ZFHX3: variants seen among roughly 807,000 people sequenced by gnomAD.
ZFHX3 encodes the protein zinc finger homeobox protein 3.
ZFHX3 carries 42 observed loss-of-function variants against 279.1 expected under a neutral mutation model. The ratio of observed to expected loss-of-function variants is 0.15; its 90% confidence interval spans 0.12 to 0.19. The LOEUF (loss-of-function observed/expected upper bound fraction) is 0.19. Ranked by LOEUF, ZFHX3 falls within the 10% of genes least tolerant of loss-of-function variation. ZFHX3 has a pLI of 1.00. For missense variants in ZFHX3, 4,981 were observed against 4,754.0 expected, an observed-to-expected ratio of 1.05 and a Z score of -1.40; for synonymous variants, 2,293 against 1,957.8, an observed-to-expected ratio of 1.17 and a Z score of -4.52.
intron 2 of ZFHX3, among the ~76,000 whole-genome samples, chr16:73,573,777 TG>T (rs1433414527): frequency 2.6e-5 from 4 of 152,228 alleles, no homozygotes; most frequent in African/African-American, 9.7e-5. Flanking sequence ...GTTATGCCTG[TG>T]TATATGAATA....
At chr16:72,875,616 A>C (rs563849654) in intron 4 of ZFHX3, among the ~76,000 whole-genome samples, 2 of 152,350 alleles carry the variant, frequency 1.3e-5, no homozygotes, top group South Asian at 4.1e-4. Flanking sequence ...GCCCATAAAA[A>C]TGCTGTGGAA....
chr16:72,942,346 T>C (rs1960450347), intron 3 of ZFHX3, among the ~76,000 whole-genome samples: 1 of 152,154 alleles, frequency 6.6e-6, no homozygotes, highest in African/African-American at 2.4e-5. Flanking sequence ...CTCCTAAGGG[T>C]TACAGACCAC....
At position 72,795,129 on chromosome 16, in the gene ZFHX3, TGAG is replaced by T. The variant is rs1382702628; in HGVS notation, c.7550_7552del (p.Pro2517del). On this transcript the variant is annotated inframe_deletion, in exon 9 of 10. Transcript: ENST00000268489. ...CTGAGGAGGTAGGTTTGCGAGCTGTTGAGGAGTTGATGTGTGGAGGGGCTTGAG... is the reference window on the plus strand; with the variant it reads ...CTGAGGAGGTAGGTTTGCGAGCTGTTGAGTTGATGTGTGGAGGGGCTTGAG... 2.5e-6 allele frequency: 4 copies of T among 1,612,662 alleles called. No individual in the cohort carries two copies. The highest frequency in any genetic ancestry group is 3.4e-6 in the Non-Finnish European group (4 of 1,179,804).
At chr16:73,325,927 A>ACAC (rs199513319) in intron 3 of ZFHX3, among the ~76,000 whole-genome samples, 1 of 139,156 alleles carries the variant, frequency 7.2e-6, no homozygotes, top group Non-Finnish European at 1.5e-5. Context: ...ACACACACAC[A>ACAC]AACACACACA....
intron 2 of ZFHX3, among the ~76,000 whole-genome samples, chr16:73,523,353 T>C (rs2019638824): frequency 6.6e-6 from 1 of 152,206 alleles, no homozygotes; most frequent in Non-Finnish European, 1.5e-5. Flanking sequence ...TCTGAACTCA[T>C]GACCAGATGT....
At chr16:72,806,143 C>T (rs769758911) in intron 7 of ZFHX3, 2 of 152,262 alleles carry the variant, frequency 1.3e-5, no homozygotes, top group Non-Finnish European at 2.9e-5. Flanking sequence ...AAGCCATCTT[C>T]CCACTTTGGC....
rs1330697234 is a variant in ZFHX3 at position 73,700,184 on chromosome 16, A to G, written c.-1607-19944T>C. 2.0e-5 allele frequency among the ~76,000 whole-genome samples: 3 copies of G among 152,154 alleles called. No homozygotes were observed. The East Asian group carries it at 5.8e-4, about 29-fold the overall frequency. The stretch of plus-strand genomic sequence containing the variant: ...CTGCAGTGAGCTGTGATCACGCCAC[A>G]CACTCCAACCTGGGAAACAGAGAGA... On this transcript the variant is annotated intron_variant, in intron 1 of 17. Coordinates refer to the ZFHX3 transcript ENST00000641206.
At chr16:73,567,603 A>C (rs1015464178) in intron 2 of ZFHX3, among the ~76,000 whole-genome samples, 6 of 152,202 alleles carry the variant, frequency 3.9e-5, no homozygotes, top group African/African-American at 9.7e-5. Flanking sequence ...TAGATCCCAC[A>C]GTCCATACTC....
chr16:73,400,074 TA>T lies in ZFHX3; in HGVS notation c.-1291+55928del, dbSNP rs200377623. 1,308 of 134,682 alleles carry T rather than the reference TA, an allele frequency of 9.7e-3. 2 individuals are homozygous for T. Among genetic ancestry groups the T allele is most frequent in the Admixed American group, 0.012 (154 of 13,230 alleles). The allele number at this position is 134,682 out of a possible 1,614,324, so 8.3% of individuals were successfully genotyped here. A position where few individuals can be genotyped will look rare whatever the true frequency, so the allele number is the denominator to read the frequency against. On this transcript the variant is annotated intron_variant, in intron 3 of 17. Transcript: ENST00000641206. Reference sequence around the variant, plus strand: ...AGTGAATCAGAGAATGTCAAATCTGTAAAAAAAAAAAAAAAAATCACCAAGG... The same window carrying T: ...AGTGAATCAGAGAATGTCAAATCTGTAAAAAAAAAAAAAAAATCACCAAGG...
chr16:73,752,878 A>G (rs1030390061), intron 1 of ZFHX3, among the ~76,000 whole-genome samples: 4 of 152,206 alleles, frequency 2.6e-5, no homozygotes, highest in Non-Finnish European at 5.9e-5. Flanking sequence ...GCAGTGCCAG[A>G]TAACATTTGC....
At chr16:73,595,809 G>T (rs985516400) in intron 2 of ZFHX3, among the ~76,000 whole-genome samples, 2 of 151,948 alleles carry the variant, frequency 1.3e-5, no homozygotes, top group Non-Finnish European at 2.9e-5. Flanking sequence ...TAGGCATTTG[G>T]TTACCTATGC....
intron 1 of ZFHX3, among the ~76,000 whole-genome samples, chr16:73,817,995 T>C (rs1960626350): frequency 6.6e-6 from 1 of 152,208 alleles, no homozygotes. Flanking sequence ...AAAGCATTAA[T>C]AAAAGTGTGA....
At chr16:73,329,726 G>A (rs979599748) in intron 3 of ZFHX3, among the ~76,000 whole-genome samples, 3 of 152,190 alleles carry the variant, frequency 2.0e-5, no homozygotes, top group Non-Finnish European at 2.9e-5. Flanking sequence ...GGAGAAGGGG[G>A]GAGTTGGGAT....
chr16:72,825,158 C>A (rs1329140520), intron 5 of ZFHX3, among the ~76,000 whole-genome samples: 1 of 152,236 alleles, frequency 6.6e-6, no homozygotes, highest in Non-Finnish European at 1.5e-5. Flanking sequence ...AGGTCATCTG[C>A]TGGCTGGTGG....
At chr16:72,863,725 A>T (rs1453648632) in intron 4 of ZFHX3, among the ~76,000 whole-genome samples, 5 of 151,826 alleles carry the variant, frequency 3.3e-5, no homozygotes, top group African/African-American at 9.7e-5. Context: ...CTACTTGTGG[A>T]TATGTTTGAA....
At chr16:73,450,560 G>A (rs780707878) in intron 3 of ZFHX3, among the ~76,000 whole-genome samples, 2 of 152,136 alleles carry the variant, frequency 1.3e-5, no homozygotes, top group Admixed American at 6.5e-5. Flanking sequence ...GGTATCAAAC[G>A]AAAGTAGCAA....
chr16:73,058,918 A>G (rs1026275046), exon 1 of ZFHX3: 2 of 151,244 alleles, frequency 1.3e-5, no homozygotes, highest in African/African-American at 2.9e-5. Context: ...GATGCAAAGC[A>G]GGCGGCGGCG....
chr16:73,493,035 G>A (rs1203987708), intron 2 of ZFHX3, among the ~76,000 whole-genome samples: 8 of 151,984 alleles, frequency 5.3e-5, no homozygotes, highest in East Asian at 3.9e-4. Flanking sequence ...TTTGCTCTAT[G>A]TATAAGCTGG....
chr16:72,944,312 C>A (rs557749299), intron 3 of ZFHX3, among the ~76,000 whole-genome samples: 1 of 152,190 alleles, frequency 6.6e-6, no homozygotes, highest in African/African-American at 2.4e-5. Context: ...AAAATTGAAA[C>A]CACAGCATGT....
Sources: gnomAD v4.1 joint callset for allele counts (sites outside exome capture counted in the v4.1 genomes callset) on GRCh38, gnomAD v4.1.1 for gene constraint, MANE v1.5 for transcripts, NCBI Gene and HGNC (gene_info 2026-07-23, HGNC 2026-07-21) for gene names.